Variants in TPP2 observed in about 807,000 individuals in gnomAD.
The protein encoded by TPP2 is tripeptidyl peptidase 2.
A neutral mutation model predicts 155.9 loss-of-function variants in TPP2; 34 were observed. That is an observed-to-expected ratio of 0.22 (90% CI 0.17 to 0.29). The LOEUF (loss-of-function observed/expected upper bound fraction) is 0.29. TPP2 is among the 10% of genes least tolerant of loss of function. The pLI is 1.00. For synonymous variants in TPP2, 510 were observed against 529.4 expected (o/e 0.96, Z 0.50); for missense variants, 1,028 against 1,522.3 (o/e 0.68, Z 5.40).
chr13:102,604,686 G>T (rs1879683973), intron 1 of TPP2, 107 bp from the exon 2 acceptor site: 12 of 1,286,212 alleles, frequency 9.3e-6, no homozygotes, highest in Non-Finnish European at 1.3e-5. Flanking sequence ...TCTTTTTTAA[G>T]TGAATGTAGA....
Position 102,635,591 on chromosome 13 carries a change from G to T in TPP2, c.1398G>T (p.Leu466=), listed in dbSNP as rs1419665455. ...CGGIALILSG[L]KANNIDYTVH... ...GTTTTTGTTTCTTAATTTTAGGTCT[G>T]AAAGCTAATAACATTGACTACACAG... The change falls in exon 12 of 30, where the codon CTG becomes CTT. Residue 466 remains leucine, a synonymous_variant. Coordinates refer to ENST00000376052, the MANE Select transcript of TPP2 (RefSeq NM_001330588.2). The T allele has an allele frequency of 6.2e-7, 1 of 1,611,188 alleles. No individual in the cohort carries two copies. The highest frequency in any genetic ancestry group is 1.1e-5 in the South Asian group (1 of 90,958).
At chr13:102,619,913 A>G (rs192074413) in intron 5 of TPP2, among the ~76,000 whole-genome samples, 3 of 152,318 alleles carry the variant, frequency 2.0e-5, no homozygotes, top group East Asian at 1.9e-4. Flanking sequence ...ATACAGTCAC[A>G]CTCAGTGATA....
chr13:102,627,586 T>A (rs2139479243), intron 7 of TPP2, among the ~76,000 whole-genome samples: 1 of 151,838 alleles, frequency 6.6e-6, no homozygotes, highest in Admixed American at 6.6e-5. Context: ...CCTCTACCTC[T>A]GTCCCCCTCT....
chr13:102,605,623 A>T (rs1351934333), intron 2 of TPP2, among the ~76,000 whole-genome samples: 2 of 151,860 alleles, frequency 1.3e-5, no homozygotes, highest in African/African-American at 4.8e-5. Flanking sequence ...CTGTCCCTTC[A>T]TAGTATTCCC....
rs576944410 is a variant in TPP2, at chr13:102,640,874, T to C, written c.2020+498T>C. Among the ~76,000 whole-genome samples the C allele has an allele frequency of 9.3e-4, 141 of 152,118 alleles. 1 individual carries two copies. The highest frequency in any genetic ancestry group is 1.5e-3 in the African/African-American group (63 of 41,512). ...ACCATGTTGGCTAGGATGGTCTCGA[T>C]CTCTTGACCTCGTGATACACTCGCC... is the stretch of plus-strand genomic sequence containing the variant. On this transcript the variant is annotated intron_variant, in intron 16 of 29. Coordinates refer to ENST00000376052, the MANE Select transcript of TPP2 (RefSeq NM_001330588.2).
intron 2 of TPP2, among the ~76,000 whole-genome samples, chr13:102,605,790 C>G (rs1336706303): frequency 2.7e-5 from 4 of 148,476 alleles, no homozygotes; most frequent in African/African-American, 1.0e-4. Context: ...GTGGTGCAAT[C>G]TTGGCTCACT....
intron 14 of TPP2, among the ~76,000 whole-genome samples, chr13:102,637,540 G>GGTTGTT (rs750657804): frequency 1.1e-5 from 1 of 93,936 alleles, no homozygotes; most frequent in Non-Finnish European, 2.2e-5. Context: ...AGCTGCAGTT[G>GGTTGTT]CTTGTTGTTG....
rs775400950 is a variant in TPP2 at position 102,630,133 on chromosome 13, T to C, written c.1182T>C (p.Ala394=). 1.9e-6 allele frequency: 3 copies of C among 1,613,700 alleles called. No homozygotes were observed. In the South Asian group the frequency reaches 3.3e-5, roughly 18 times the overall value. The change falls in exon 10 of 30, where the codon GCT becomes GCC. Residue 394 remains alanine (A), a synonymous_variant. Transcript: ENST00000376052. The part of the protein sequence containing the change: ...GAYVSPDMMV[A]EYSLREKLPA... Reference sequence around the variant, plus strand: ...ATGTTTCTCCTGATATGATGGTTGCTGAGTATTCACTGAGAGAGAAATTAC... The same window carrying C: ...ATGTTTCTCCTGATATGATGGTTGCCGAGTATTCACTGAGAGAGAAATTAC...
chr13:102,628,285 C>G (rs532515434), intron 8 of TPP2, among the ~76,000 whole-genome samples: 46 of 152,256 alleles, frequency 3.0e-4, no homozygotes, highest in Non-Finnish European at 6.6e-4. Flanking sequence ...GTCAGATGCA[C>G]TGCATCCTCA....
intron 4 of TPP2, among the ~76,000 whole-genome samples, chr13:102,618,460 T>G (rs573991474): frequency 1.3e-5 from 2 of 152,220 alleles, no homozygotes; most frequent in Admixed American, 6.5e-5. Flanking sequence ...CACAGTGTAT[T>G]TCCCAAAGCA....
intron 2 of TPP2, 67 bp from the exon 3 acceptor site, chr13:102,614,034 C>G: frequency 7.2e-7 from 1 of 1,386,988 alleles, no homozygotes; most frequent in Non-Finnish European, 1.0e-6. Context: ...CTTTTTTGCT[C>G]AGTAGTGTAT....
chr13:102,618,670 A>G (rs572870085), intron 4 of TPP2, 52 bp from the exon 5 acceptor site: 88 of 1,591,690 alleles, frequency 5.5e-5, no homozygotes, highest in Non-Finnish European at 6.8e-5. Flanking sequence ...TGTTAATACA[A>G]CTTTTAGAAG....
intron 29 of TPP2, among the ~76,000 whole-genome samples, chr13:102,677,056 G>T (rs1885316803): frequency 4.6e-5 from 7 of 152,136 alleles, no homozygotes. Context: ...TATATGTAAG[G>T]TACCCTTTGG....
intron 24 of TPP2, among the ~76,000 whole-genome samples, chr13:102,652,422 A>C (rs1883568144): frequency 1.4e-4 from 2 of 13,932 alleles, no homozygotes; most frequent in Non-Finnish European, 2.5e-4. Flanking sequence ...ATATATATAT[A>C]TATATATATA....
At chr13:102,605,070 T>C in intron 2 of TPP2, 149 bp downstream of exon 2, 1 of 1,275,474 alleles carries the variant, frequency 7.8e-7, no homozygotes. Flanking sequence ...AAATGACAAA[T>C]ATTTATTACC....
At chr13:102,676,738 G>A (rs1885300042) in intron 29 of TPP2, among the ~76,000 whole-genome samples, 1 of 152,182 alleles carries the variant, frequency 6.6e-6, no homozygotes, top group Admixed American at 6.5e-5. Context: ...TTAAAGGCAT[G>A]TTGCCTCAAC....
In TPP2 at chr13:102,616,453, T is replaced by C; in HGVS notation, c.448T>C (p.Cys150Arg). 1 of 1,612,714 alleles carries C rather than the reference T, an allele frequency of 6.2e-7. No individual in the cohort carries two copies. The change falls in exon 4 of 30, where the codon TGT becomes CGT. Residue 150 changes from cysteine (C) to arginine (R), a missense_variant. Coordinates refer to ENST00000376052, the MANE Select transcript of TPP2 (RefSeq NM_001330588.2). ...PVHRVALAEA[C>R]RKQEEFDVAN... ...TCACAGAGTGGCCCTTGCAGAAGCC[T>C]GTAGAAAACAGGAAGAATTTGATGT...
chr13:102,670,608 G>T (rs1350434418), intron 27 of TPP2, among the ~76,000 whole-genome samples: 1 of 152,136 alleles, frequency 6.6e-6, no homozygotes, highest in Non-Finnish European at 1.5e-5. Flanking sequence ...CTGAAAAATA[G>T]CATGCTCTAT....
At chr13:102,676,007 A>C (rs1452562620) in intron 28 of TPP2, among the ~76,000 whole-genome samples, 1 of 152,042 alleles carries the variant, frequency 6.6e-6, no homozygotes, top group Non-Finnish European at 1.5e-5. Context: ...GTAATTATTT[A>C]TGTTAGCTCT....
Sources: gnomAD v4.1 joint callset for allele counts (sites outside exome capture counted in the v4.1 genomes callset) on GRCh38, gnomAD v4.1.1 for gene constraint, MANE v1.5 for transcripts, NCBI Gene and HGNC (gene_info 2026-07-23, HGNC 2026-07-21) for gene names.